The following GRIK2 variants were observed in gnomAD, a reference collection of about 807,000 sequenced individuals.
GRIK2 encodes glutamate ionotropic receptor kainate type subunit 2, also known as glutamate receptor ionotropic, kainate 2.
Under a neutral mutation model 100.3 loss-of-function variants are expected in GRIK2, and 32 were observed. That is an observed-to-expected ratio of 0.32 (90% CI 0.24 to 0.43). GRIK2 has a LOEUF of 0.43. Ranked by LOEUF, GRIK2 falls within the 20% of genes least tolerant of loss-of-function variation. GRIK2 has a pLI of 1.00. For synonymous variants in GRIK2, 417 were observed against 389.4 expected, an observed-to-expected ratio of 1.07 and a Z score of -0.83; for missense variants, 843 against 1,114.9, an observed-to-expected ratio of 0.76 and a Z score of 3.47.
At chr6:101,791,395 C>T (rs1175676993) in intron 7 of GRIK2, among the ~76,000 whole-genome samples, 3 of 152,120 alleles carry the variant, frequency 2.0e-5, no homozygotes, top group African/African-American at 7.2e-5. Flanking sequence ...CCCAGCGATT[C>T]TGGTATGTTG....
At chr6:101,499,530 T>C (rs1229265102) in intron 2 of GRIK2, among the ~76,000 whole-genome samples, 5 of 152,186 alleles carry the variant, frequency 3.3e-5, no homozygotes, top group Non-Finnish European at 7.4e-5. Context: ...TTTGATTTTA[T>C]GATTCTTAAA....
chr6:101,403,385 C>A (rs1456089134), intron 2 of GRIK2, among the ~76,000 whole-genome samples: 2 of 152,160 alleles, frequency 1.3e-5, no homozygotes, highest in African/African-American at 4.8e-5. Context: ...GGTTTCCCAG[C>A]AGAAGTCTTC....
chr6:101,898,870 A>G (rs1031443283), intron 12 of GRIK2, among the ~76,000 whole-genome samples: 3 of 151,990 alleles, frequency 2.0e-5, no homozygotes, highest in Non-Finnish European at 2.9e-5. Context: ...GATAAATCAC[A>G]TCTTTCTTTA....
At chr6:101,404,999 G>T (rs1775519958) in intron 2 of GRIK2, among the ~76,000 whole-genome samples, 2 of 152,170 alleles carry the variant, frequency 1.3e-5, no homozygotes, top group Admixed American at 1.3e-4. Context: ...GCTGATTGAA[G>T]TCACAGCGGT....
At chr6:101,607,710 A>G (rs1779497470) in intron 2 of GRIK2, among the ~76,000 whole-genome samples, 2 of 151,960 alleles carry the variant, frequency 1.3e-5, no homozygotes, top group Admixed American at 1.3e-4. Context: ...GGCATATTTC[A>G]CAGTAGTTCT....
chr6:101,468,207 GA>G (rs1771760947), intron 2 of GRIK2, among the ~76,000 whole-genome samples: 1 of 152,176 alleles, frequency 6.6e-6, no homozygotes, highest in African/African-American at 2.4e-5. Flanking sequence ...ACACAGAGGG[GA>G]TCAGGTCCCA....
intron 2 of GRIK2, among the ~76,000 whole-genome samples, chr6:101,521,444 T>A (rs1427557486): frequency 6.6e-6 from 1 of 151,982 alleles, no homozygotes; most frequent in African/African-American, 2.4e-5. Flanking sequence ...ATTTAAAGCA[T>A]GTTCATGCAT....
At chr6:101,394,688 A>C (rs1277377595) in intron 1 of GRIK2, among the ~76,000 whole-genome samples, 4 of 152,220 alleles carry the variant, frequency 2.6e-5, no homozygotes, top group African/African-American at 7.2e-5. Context: ...TAGTCAGTTT[A>C]GTTACTGAAA....
At chr6:101,894,313 G>A (rs1787295022) in intron 12 of GRIK2, among the ~76,000 whole-genome samples, 1 of 151,528 alleles carries the variant, frequency 6.6e-6, no homozygotes, top group Non-Finnish European at 1.5e-5. Context: ...TCTCCATATA[G>A]TTTTATATTT....
chr6:101,436,052 G>T (rs938936206), intron 2 of GRIK2, among the ~76,000 whole-genome samples: 4 of 151,976 alleles, frequency 2.6e-5, no homozygotes, highest in African/African-American at 9.7e-5. Context: ...CAAAATTCAA[G>T]CTAAGATTCT....
In GRIK2 at chr6:101,663,693, A is replaced by G. The variant is rs1032609471; in HGVS notation, c.542-12930A>G. 2.0e-5 allele frequency among the ~76,000 whole-genome samples: 3 copies of G among 152,260 alleles called. 1 individual carries two copies. Among genetic ancestry groups the G allele is most frequent in the South Asian group, 4.1e-4 (2 of 4,834 alleles). On this transcript the variant is annotated intron_variant, in intron 4 of 16. Transcript: ENST00000369134. ...ATCAAAATATTACCAAATTCTGCAC[A>G]CAGACCAAAGTTACAATAATCCTGT...
In GRIK2 at chr6:101,818,356, A is replaced by G. The variant is rs751419152; in HGVS notation, c.1204-14A>G. 10 of 1,429,156 alleles carry G rather than the reference A, an allele frequency of 7.0e-6. No homozygotes were observed. The highest frequency in any genetic ancestry group is 1.7e-5 in the Admixed American group (1 of 59,446). The allele number at this position is 1,429,156 out of a possible 1,614,324, so 88.5% of individuals were successfully genotyped here. ...CTGATGGACAATTTACAAAGTACAT[A>G]TGCTATTTTATAGATTGGAACGTGG... On this transcript the variant is annotated splice_polypyrimidine_tract_variant and intron_variant, in intron 9 of 16. Coordinates refer to ENST00000369134, the MANE Select transcript of GRIK2 (RefSeq NM_021956.5).
intron 7 of GRIK2, among the ~76,000 whole-genome samples, chr6:101,743,656 A>G (rs1404077402): frequency 6.6e-6 from 1 of 152,128 alleles, no homozygotes; most frequent in Non-Finnish European, 1.5e-5. Flanking sequence ...TGGTCTTTAA[A>G]AATAACATCA....
At chr6:101,586,649 G>T (rs982017776) in intron 2 of GRIK2, among the ~76,000 whole-genome samples, 12 of 151,702 alleles carry the variant, frequency 7.9e-5, no homozygotes, top group African/African-American at 2.7e-4. Flanking sequence ...CAGGTGGATT[G>T]CCTGTGCTCA....
chr6:101,883,604 C>A (rs2791844), intron 11 of GRIK2, among the ~76,000 whole-genome samples: 8 of 152,118 alleles, frequency 5.3e-5, no homozygotes, highest in African/African-American at 1.7e-4. Context: ...GGAAAGACCC[C>A]TTTGAGTAAT....
chr6:101,651,117 T>C (rs1217755433), intron 4 of GRIK2, among the ~76,000 whole-genome samples: 1 of 151,828 alleles, frequency 6.6e-6, no homozygotes, highest in East Asian at 1.9e-4. Flanking sequence ...ATCTTCACTT[T>C]CCTAGATTAT....
chr6:101,908,293 CATTAAA>C (rs985779864), intron 12 of GRIK2, among the ~76,000 whole-genome samples: 13 of 6,506 alleles, frequency 2.0e-3, no homozygotes, highest in African/African-American at 0.01. Context: ...GCCAAAAGTA[CATTAAA>C]ATTAATGGCA....
chr6:102,005,150 ATGTATATTT>A, intron 14 of GRIK2, among the ~76,000 whole-genome samples: 1 of 151,276 alleles, frequency 6.6e-6, no homozygotes, highest in East Asian at 1.9e-4. Flanking sequence ...TATATATATT[ATGTATATTT>A]ATATAAGTAT....
At chr6:101,570,559 T>C (rs1263843274) in intron 2 of GRIK2, among the ~76,000 whole-genome samples, 1 of 152,094 alleles carries the variant, frequency 6.6e-6, no homozygotes, top group Non-Finnish European at 1.5e-5. Context: ...GGACACATCT[T>C]TGAGTACCTT....
Sources: gnomAD v4.1 joint callset for allele counts (sites outside exome capture counted in the v4.1 genomes callset) on GRCh38, gnomAD v4.1.1 for gene constraint, MANE v1.5 for transcripts, NCBI Gene and HGNC (gene_info 2026-07-23, HGNC 2026-07-21) for gene names.